The following ELAC2 variants were observed in gnomAD, a reference collection of about 807,000 sequenced individuals.
ELAC2 encodes zinc phosphodiesterase ELAC protein 2.
In ELAC2, 92 loss-of-function variants were observed where a neutral mutation model predicts 105.2. That is an observed-to-expected ratio of 0.87 (90% CI 0.74 to 1.04). The LOEUF is 1.04. Among genes scored for constraint, ELAC2 ranks in the 50% least tolerant of loss-of-function variants. The probability of loss-of-function intolerance (pLI) is 0.00; values close to 1 mark genes in which losing one functional copy is unlikely to be tolerated. For synonymous variants in ELAC2, 468 were observed against 409.1 expected (o/e 1.14, Z -1.74); for missense variants, 1,099 against 1,071.7 (o/e 1.03, Z -0.36).
In ELAC2 at chr17:13,017,785, GGCC is replaced by G. The variant is rs745461852; in HGVS notation, c.160_162del (p.Gly54del). 2.5e-6 allele frequency: 4 copies of G among 1,609,262 alleles called. No individual in the cohort carries two copies. Among genetic ancestry groups the G allele is most frequent in the South Asian group, 1.1e-5 (1 of 90,490 alleles). On this transcript the variant is annotated inframe_deletion, in exon 1 of 24. Coordinates refer to ENST00000338034, the MANE Select transcript of ELAC2 (RefSeq NM_018127.7). ...ACCACCTGCAGGTACACGGTGTTTG[GGCC>G]GCCGGAGCACCCCGACGGTCCGCGC...
intron 5 of ELAC2, among the ~76,000 whole-genome samples, chr17:13,013,800 C>A (rs1258770818): frequency 6.6e-6 from 1 of 152,104 alleles, no homozygotes; most frequent in African/African-American, 2.4e-5. Flanking sequence ...ACAAAGTTGG[C>A]CACAAAACCT....
At chr17:12,997,413 A>C (rs1472994876) in intron 16 of ELAC2, among the ~76,000 whole-genome samples, 1 of 152,206 alleles carries the variant, frequency 6.6e-6, no homozygotes, top group Non-Finnish European at 1.5e-5. Flanking sequence ...TGCAGAGAGA[A>C]GCCCCGGTGC....
At chr17:12,995,131 CT>C in intron 19 of ELAC2, 69 bp from the exon 20 acceptor site, 1 of 1,538,420 alleles carries the variant, frequency 6.5e-7, no homozygotes, top group Non-Finnish European at 9.0e-7. Context: ...AAGTTTAAGT[CT>C]TTGGCTGGAG....
rs2041851922 is a variant in ELAC2, at chr17:13,018,024, G to A, written c.-77C>T. 2.0e-6 allele frequency: 3 copies of A among 1,529,602 alleles called. No homozygotes were observed. Among genetic ancestry groups the A allele is most frequent in the Non-Finnish European group, 1.7e-6 (2 of 1,144,250 alleles). 94.8% of individuals were successfully genotyped at this position (1,529,602 alleles called of 1,614,324 possible). A position where few individuals can be genotyped will look rare whatever the true frequency, so the allele number is the denominator to read the frequency against. On this transcript the variant is annotated 5_prime_UTR_variant, in exon 1 of 24. Coordinates refer to ENST00000338034, the MANE Select transcript of ELAC2 (RefSeq NM_018127.7). ...TTCCCGTGCACCACCTAGCCGCTCCGCATGGCGGATCCAGCCAATCAGCGC... is the reference window on the plus strand; with the variant it reads ...TTCCCGTGCACCACCTAGCCGCTCCACATGGCGGATCCAGCCAATCAGCGC...
chr17:13,014,502 G>T lies in ELAC2; in HGVS notation c.433-6C>A. The T allele has an allele frequency of 6.2e-7, 1 of 1,607,488 alleles. No individual in the cohort carries two copies. Among genetic ancestry groups the T allele is most frequent in the South Asian group, 1.1e-5 (1 of 90,932 alleles). On this transcript the variant is annotated splice_polypyrimidine_tract_variant and splice_region_variant and intron_variant, in intron 4 of 23. Coordinates refer to ENST00000338034, the MANE Select transcript of ELAC2 (RefSeq NM_018127.7). ...ATTGCTTCGAGGTATTTTTCCTAAT[G>T]AAAAACAAAGAAATGAGCAGTTATG...
intron 23 of ELAC2, 53 bp from the exon 24 acceptor site, chr17:12,993,098 G>A (rs1170034594): frequency 4.5e-6 from 7 of 1,564,840 alleles, no homozygotes; most frequent in Middle Eastern, 1.7e-4. Context: ...AGGGGTGGGG[G>A]ACAGGAGCTG....
chr17:13,014,930 G>GA (rs2041637795), intron 4 of ELAC2, among the ~76,000 whole-genome samples: 1 of 152,214 alleles, frequency 6.6e-6, no homozygotes, highest in Admixed American at 6.5e-5. Flanking sequence ...GCGGAAGGGC[G>GA]AAAGTCCTGA....
At position 13,004,934 on chromosome 17, in the gene ELAC2, G is replaced by A. The variant is rs199640399; in HGVS notation, c.983+55C>T. On this transcript the variant is annotated intron_variant, in intron 11 of 23. Transcript: ENST00000338034. Reference sequence around the variant, plus strand: ...GCTCTTGCCACAAGATGCCCATGTCGATGCTGGGCTGGGTTTCAGCTCTCA... The same window carrying A: ...GCTCTTGCCACAAGATGCCCATGTCAATGCTGGGCTGGGTTTCAGCTCTCA... 9.6e-6 allele frequency: 13 copies of A among 1,354,020 alleles called. No individual in the cohort carries two copies. In the South Asian group the frequency reaches 1.0e-4, roughly 11 times the overall value. The allele number at this position is 1,354,020 out of a possible 1,614,324, so 83.9% of individuals were successfully genotyped here. A position where few individuals can be genotyped will look rare whatever the true frequency, so the allele number is the denominator to read the frequency against.
In ELAC2 at chr17:12,994,438, C is replaced by T; in HGVS notation, c.2095G>A (p.Glu699Lys). ...LEDGLEEEAV[E>K]KTHSTTSQAI... ...GGCCTTTGCTACCTGTGTGTCTTTT[C>T]CACTGCTTCCTCTTCCAAACCATCT... The change falls in exon 22 of 24, where the codon GAA (glutamate) becomes AAA (lysine). Residue 699 changes from glutamate (E) to lysine (K), a missense_variant. By Grantham distance (56) the Glu-to-Lys change is moderately conservative. Transcript: ENST00000338034. 1.2e-6 allele frequency: 2 copies of T among 1,614,164 alleles called. No individual in the cohort carries two copies. Among genetic ancestry groups the T allele is most frequent in the East Asian group, 2.2e-5 (1 of 44,874 alleles).
At position 13,014,440 on chromosome 17, in the gene ELAC2, C is replaced by T. The variant is rs767752385; in HGVS notation, c.489G>A (p.Leu163=). The T allele has an allele frequency of 4.8e-5, 78 of 1,612,262 alleles. No homozygotes were observed. The highest frequency in any genetic ancestry group is 7.6e-6 in the Non-Finnish European group (9 of 1,178,506). The part of the protein sequence containing the change: ...IFSGPLKGIE[L]AVRPHSAPEY... ...GATGAGTCACAGACAAAGACGTACCCAGTTCTATTCCTTTCAATGGACCAG... is the reference window on the plus strand; with the variant it reads ...GATGAGTCACAGACAAAGACGTACCTAGTTCTATTCCTTTCAATGGACCAG... Residue 163 remains leucine (L), a splice_region_variant and synonymous_variant, in exon 5 of 24, where the codon CTG becomes CTA. Coordinates refer to ENST00000338034, the MANE Select transcript of ELAC2 (RefSeq NM_018127.7).
chr17:13,001,974 C>T (rs1451079508), intron 14 of ELAC2, among the ~76,000 whole-genome samples: 1 of 152,200 alleles, frequency 6.6e-6, no homozygotes, highest in Non-Finnish European at 1.5e-5. Flanking sequence ...AACACACGAG[C>T]TCTATCACTG....
At chr17:13,004,909 G>T in intron 11 of ELAC2, 80 bp downstream of exon 11, 1 of 1,122,408 alleles carries the variant, frequency 8.9e-7, no homozygotes, top group Non-Finnish European at 1.4e-6. Flanking sequence ...CAGAAACACA[G>T]CTCTTGCCAC....
chr17:13,004,848 TTAAGGCAGGAGTGCCGGCCTCTGAACTG>T (rs2143620345), intron 11 of ELAC2, 113 bp downstream of exon 11: 1 of 772,000 alleles, frequency 1.3e-6, no homozygotes, highest in South Asian at 1.4e-5. Flanking sequence ...CAACAGTGAC[TTAAGGCAGGAGTGCCGGCCTCTGAACTG>T]TAAACCCAGA....
intron 22 of ELAC2, among the ~76,000 whole-genome samples, chr17:12,994,098 C>T (rs2040343522): frequency 2.0e-5 from 3 of 152,226 alleles, no homozygotes. Context: ...TGGGGTAATG[C>T]ACTCTTTCGT....
Position 12,996,648 on chromosome 17 carries a change from T to C in ELAC2, c.1558A>G (p.Thr520Ala), listed in dbSNP as rs1357720748. 6.2e-7 allele frequency: 1 copy of C among 1,613,922 alleles called. No homozygotes were observed. The highest frequency in any genetic ancestry group is 2.2e-5 in the East Asian group (1 of 44,846). ...TAATGACGGCACAGCTGCCCAAATGTGCCCTCACCACAGTCCAGTAGCAGA... is the reference window on the plus strand; with the variant it reads ...TAATGACGGCACAGCTGCCCAAATGCGCCCTCACCACAGTCCAGTAGCAGA... ...TSLLLDCGEG[T>A]FGQLCRHYGD... The change falls in exon 17 of 24, where the codon ACA (threonine) becomes GCA (alanine). Residue 520 changes from threonine (T) to alanine (A), a missense_variant. Transcript: ENST00000338034.
intron 15 of ELAC2, among the ~76,000 whole-genome samples, chr17:12,999,420 C>G (rs1028661118): frequency 4.6e-5 from 7 of 152,196 alleles, no homozygotes; most frequent in African/African-American, 1.7e-4. Flanking sequence ...GGATTCAAAT[C>G]CAGGGAGACC....
At chr17:13,007,218 T>A (rs181501634) in intron 8 of ELAC2, among the ~76,000 whole-genome samples, 1,613 of 151,692 alleles carry the variant, frequency 0.011, 15 homozygotes, top group Non-Finnish European at 0.015. Flanking sequence ...AAAAAAAAAA[T>A]TTCACACAAA....
At position 13,018,024 on chromosome 17, in the gene ELAC2, G is replaced by T; in HGVS notation, c.-77C>A. On this transcript the variant is annotated 5_prime_UTR_variant, in exon 1 of 24. Coordinates refer to ENST00000338034, the MANE Select transcript of ELAC2 (RefSeq NM_018127.7). ...TTCCCGTGCACCACCTAGCCGCTCC[G>T]CATGGCGGATCCAGCCAATCAGCGC... The T allele has an allele frequency of 1.3e-6, 2 of 1,529,602 alleles. No homozygotes were observed. The highest frequency in any genetic ancestry group is 2.0e-5 in the Admixed American group (1 of 50,524). 94.8% of individuals were successfully genotyped at this position (1,529,602 alleles called of 1,614,324 possible). A position where few individuals can be genotyped will look rare whatever the true frequency, so the allele number is the denominator to read the frequency against.
At position 13,000,212 on chromosome 17, in the gene ELAC2, A is replaced by T; in HGVS notation, c.1367T>A (p.Phe456Tyr). ...CCTGTACTCCTGCACGCTCTGCTGGAAGTTGGGAAGCTGCAGCGCCTCAAC... is the reference window on the plus strand; with the variant it reads ...CCTGTACTCCTGCACGCTCTGCTGGTAGTTGGGAAGCTGCAGCGCCTCAAC... ...FIVEALQLPN[F>Y]QQSVQEYRRS... is the part of the protein sequence containing the mutation. The change falls in exon 15 of 24, where the codon TTC becomes TAC. Residue 456 changes from phenylalanine (F) to tyrosine (Y), a missense_variant. Physicochemically the swap from Phe to Tyr is conservative, Grantham distance 22. Coordinates refer to ENST00000338034, the MANE Select transcript of ELAC2 (RefSeq NM_018127.7). 1 of 1,614,092 alleles carries T rather than the reference A, an allele frequency of 6.2e-7. No individual in the cohort carries two copies. Among genetic ancestry groups the T allele is most frequent in the Middle Eastern group, 1.7e-4 (1 of 6,014 alleles).
Sources: allele counts gnomAD v4.1 joint callset (sites outside exome capture counted in the v4.1 genomes callset), GRCh38; gene constraint gnomAD v4.1.1; transcripts MANE v1.5; gene names NCBI Gene and HGNC (gene_info 2026-07-23, HGNC 2026-07-21).